The following ABCB4 variants were observed in gnomAD, a reference collection of about 807,000 sequenced individuals.
ABCB4 encodes the protein ATP binding cassette subfamily B member 4, also known as phosphatidylcholine translocator ABCB4.
ABCB4 carries 76 observed loss-of-function variants against 145.7 expected under a neutral mutation model. The observed-to-expected ratio is 0.52, with a 90% CI of 0.43 to 0.63. ABCB4 has a LOEUF of 0.63. ABCB4 is among the 30% of genes least tolerant of loss of function. ABCB4 has a pLI of 0.00. For synonymous variants in ABCB4, 517 were observed against 566.8 expected (o/e 0.91, Z 1.25); for missense variants, 1,234 against 1,553.1 (o/e 0.79, Z 3.45).
At chr7:87,465,269 C>T (rs1418787429) in intron 3 of ABCB4, among the ~76,000 whole-genome samples, 7 of 152,342 alleles carry the variant, frequency 4.6e-5, no homozygotes, top group East Asian at 1.9e-4. Flanking sequence ...CACGAAGCCT[C>T]GCTCATTGCT....
chr7:87,429,903 C>CT (rs747654191), intron 15 of ABCB4, among the ~76,000 whole-genome samples: 4,841 of 130,720 alleles, frequency 0.037, 78 homozygotes, highest in Non-Finnish European at 0.041. Flanking sequence ...TGTGTCAGGT[C>CT]TTTTTTTTTT....
At chr7:87,456,173 T>A (rs184798386) in intron 4 of ABCB4, among the ~76,000 whole-genome samples, 1 of 152,326 alleles carries the variant, frequency 6.6e-6, no homozygotes, top group African/African-American at 2.4e-5. Flanking sequence ...GTAAAAATCA[T>A]TGTGGTTTTT....
intron 6 of ABCB4, 172 bp downstream of exon 6, chr7:87,452,772 C>T: frequency 1.3e-6 from 1 of 741,176 alleles, no homozygotes; most frequent in Non-Finnish European, 2.2e-6. Context: ...GGAAAGCCAA[C>T]ATGCAATGGC....
At chr7:87,382,841 T>G in the ABCB4 span, among the ~76,000 whole-genome samples, 3 of 152,222 alleles carry the variant, frequency 2.0e-5, no homozygotes, top group East Asian at 5.8e-4. Flanking sequence ...CAACGTCAGT[T>G]TTCTGATGGG....
intron 4 of ABCB4, among the ~76,000 whole-genome samples, chr7:87,458,770 A>G (rs1812265715): frequency 6.6e-6 from 1 of 152,164 alleles, no homozygotes; most frequent in African/African-American, 2.4e-5. Flanking sequence ...AGTAAGCCTA[A>G]TGAGAAACAT....
At chr7:87,451,533 C>T in intron 7 of ABCB4, 90 bp downstream of exon 7, 1 of 1,411,270 alleles carries the variant, frequency 7.1e-7, no homozygotes, top group Non-Finnish European at 1.0e-6. Context: ...TTAATGTAGA[C>T]CTGAACAGGT....
chr7:87,383,843 A>G, the ABCB4 span, among the ~76,000 whole-genome samples: 1 of 152,080 alleles, frequency 6.6e-6, no homozygotes, highest in Non-Finnish European at 1.5e-5. Context: ...GGTTGATTCT[A>G]TATCTTGACT....
At chr7:87,459,894 A>G (rs985708299) in intron 4 of ABCB4, among the ~76,000 whole-genome samples, 7 of 152,212 alleles carry the variant, frequency 4.6e-5, no homozygotes, top group Non-Finnish European at 7.3e-5. Context: ...GCTCTAATAA[A>G]TGGTGCTTTA....
chr7:87,455,803 C>G (rs1417279335), intron 4 of ABCB4, among the ~76,000 whole-genome samples: 1 of 92,718 alleles, frequency 1.1e-5, no homozygotes, highest in Non-Finnish European at 2.0e-5. Context: ...GCCCAGGGGT[C>G]GTGTTTTCGT....
chr7:87,416,722 G>A (rs1809000706), intron 21 of ABCB4, among the ~76,000 whole-genome samples: 1 of 152,128 alleles, frequency 6.6e-6, no homozygotes, highest in Admixed American at 6.6e-5. Context: ...TTCTGAAATT[G>A]GGATAACAAT....
intron 24 of ABCB4, 147 bp downstream of exon 24, chr7:87,409,089 G>T: frequency 4.2e-6 from 4 of 951,860 alleles, no homozygotes; most frequent in Non-Finnish European, 4.8e-6. Flanking sequence ...CAGTCAAGTT[G>T]CCCAAATATT....
the ABCB4 span, among the ~76,000 whole-genome samples, chr7:87,388,247 C>T: frequency 6.6e-6 from 1 of 151,856 alleles, no homozygotes; most frequent in African/African-American, 2.4e-5. Flanking sequence ...CTACTACTGA[C>T]TTTCTTCAGA....
At chr7:87,369,428 T>C in the ABCB4 span, 2 of 1,613,398 alleles carry the variant, frequency 1.2e-6, no homozygotes, top group South Asian at 2.2e-5. Flanking sequence ...GAGGCCGAGC[T>C]TTTGTCTTTG....
the ABCB4 span, chr7:87,382,152 A>G: frequency 6.2e-7 from 1 of 1,612,792 alleles, no homozygotes; most frequent in African/African-American, 1.3e-5. Flanking sequence ...AAATGACATC[A>G]ACCAAGCTAA....
intron 7 of ABCB4, 106 bp from the exon 8 acceptor site, chr7:87,450,198 C>T (rs1811619629): frequency 1.4e-6 from 2 of 1,463,528 alleles, no homozygotes; most frequent in South Asian, 2.3e-5. Flanking sequence ...TCTCCTTTAA[C>T]AAATATTAAA....
chr7:87,438,525 G>C (rs1810757298), intron 14 of ABCB4, among the ~76,000 whole-genome samples: 1 of 152,140 alleles, frequency 6.6e-6, no homozygotes, highest in African/African-American at 2.4e-5. Flanking sequence ...GAGGCAGGAT[G>C]ATCACTTGAA....
intron 3 of ABCB4, among the ~76,000 whole-genome samples, chr7:87,469,476 T>C (rs1194024382): frequency 6.6e-6 from 1 of 152,308 alleles, no homozygotes; most frequent in Admixed American, 6.5e-5. Context: ...GAAAACCCCA[T>C]TGTCTCAGCC....
At chr7:87,457,123 TA>T (rs1178452905) in intron 4 of ABCB4, among the ~76,000 whole-genome samples, 1 of 152,122 alleles carries the variant, frequency 6.6e-6, no homozygotes, top group Non-Finnish European at 1.5e-5. Context: ...ATCACATTTT[TA>T]TAAAGTGCCC....
chr7:87,427,420 A>T (rs1809914301), intron 15 of ABCB4, among the ~76,000 whole-genome samples: 1 of 152,182 alleles, frequency 6.6e-6, no homozygotes, highest in Non-Finnish European at 1.5e-5. Flanking sequence ...TCATGCACAC[A>T]ACGAGACCCA....
Sources: allele counts gnomAD v4.1 joint callset (sites outside exome capture counted in the v4.1 genomes callset), GRCh38; gene constraint gnomAD v4.1.1; transcripts MANE v1.5; gene names NCBI Gene and HGNC (gene_info 2026-07-23, HGNC 2026-07-21).